Variants in MROH1 observed in about 807,000 individuals in gnomAD.
MROH1 encodes maestro heat-like repeat-containing protein family member 1.
MROH1 carries 117 observed loss-of-function variants against 116.5 expected under a neutral mutation model. The ratio of observed to expected loss-of-function variants is 1.00; its 90% CI spans 0.86 to 1.17. MROH1 has a LOEUF of 1.17. MROH1 is among the 50% of genes most tolerant of loss of function. The pLI is 0.00. For missense variants in MROH1, 1,873 were observed against 1,338.5 expected (o/e 1.40, Z -6.23); for synonymous variants, 921 against 583.9 (o/e 1.58, Z -8.32).
chr8:144,205,629 C>G (rs576559415), intron 12 of MROH1, among the ~76,000 whole-genome samples: 13 of 152,146 alleles, frequency 8.5e-5, no homozygotes, highest in Middle Eastern at 3.4e-3. Flanking sequence ...GATTTCCCCC[C>G]CAGGTCCATA....
chr8:144,218,123 G>T (rs185462359), intron 12 of MROH1, among the ~76,000 whole-genome samples: 186 of 152,238 alleles, frequency 1.2e-3, no homozygotes, highest in African/African-American at 4.3e-3. Flanking sequence ...GGAAGCCAGC[G>T]CCCCGTCAGC....
rs140671211 is a variant in MROH1, at chr8:144,211,871, G to A, written c.1142-8729G>A. ...ACGCATTTGATGGCTTCAATCCAGAGCAGTCATCACCATCACCGAAGCTCA... is the reference window on the plus strand; with the variant it reads ...ACGCATTTGATGGCTTCAATCCAGAACAGTCATCACCATCACCGAAGCTCA... On this transcript the variant is annotated intron_variant, in intron 12 of 43. Coordinates refer to ENST00000326134, the MANE Select transcript of MROH1 (RefSeq NM_032450.3). Among the ~76,000 whole-genome samples, 61 of 152,298 alleles carry A rather than the reference G, an allele frequency of 4.0e-4. No homozygotes were observed. The Middle Eastern group carries it at 0.01, about 25-fold the overall frequency.
At chr8:144,181,654 A>G (rs1825749688) in intron 7 of MROH1, among the ~76,000 whole-genome samples, 1 of 152,084 alleles carries the variant, frequency 6.6e-6, no homozygotes, top group African/African-American at 2.4e-5. Flanking sequence ...TAAAAATGGG[A>G]TTGGTGACAG....
rs1393712518 is a variant in MROH1 at position 144,152,135 on chromosome 8, A to G, written c.-177+4059A>G. Among the ~76,000 whole-genome samples the G allele has an allele frequency of 4.6e-5, 7 of 152,360 alleles. No homozygotes were observed. In the East Asian group the frequency reaches 1.3e-3, roughly 29 times the overall value. The stretch of plus-strand genomic sequence containing the variant: ...AAAGTTTAACTATAAATGAAGCACA[A>G]TAAGAGGTTGACAGCAATGAATAAT... On this transcript the variant is annotated intron_variant, in intron 1 of 43. Transcript: ENST00000326134.
At chr8:144,215,626 C>G (rs1414882320) in intron 12 of MROH1, among the ~76,000 whole-genome samples, 1 of 152,092 alleles carries the variant, frequency 6.6e-6, no homozygotes, top group African/African-American at 2.4e-5. Context: ...AATCCCAGCA[C>G]TTTGGGAGGC....
intron 1 of MROH1, among the ~76,000 whole-genome samples, chr8:144,159,765 A>ATTTTT (rs1161961224): frequency 3.2e-5 from 4 of 123,724 alleles, no homozygotes; most frequent in Non-Finnish European, 4.8e-5. Flanking sequence ...ACGCCTGGTA[A>ATTTTT]TTTTTTTTTT....
intron 4 of MROH1, among the ~76,000 whole-genome samples, chr8:144,169,353 T>C (rs1821837327): frequency 6.6e-6 from 1 of 152,198 alleles, no homozygotes; most frequent in South Asian, 2.1e-4. Context: ...TGCCGTGGCC[T>C]GGCGGCACTT....
At chr8:144,189,536 G>A (rs981147966) in intron 7 of MROH1, among the ~76,000 whole-genome samples, 3 of 152,152 alleles carry the variant, frequency 2.0e-5, no homozygotes, top group African/African-American at 7.2e-5. Context: ...TCGAAGCCTG[G>A]GTGGCCACCT....
intron 7 of MROH1, among the ~76,000 whole-genome samples, chr8:144,183,483 T>C (rs1421794620): frequency 6.6e-6 from 1 of 151,030 alleles, no homozygotes; most frequent in Non-Finnish European, 1.5e-5. Flanking sequence ...GCCGAATACC[T>C]GGAATGCTGA....
intron 39 of MROH1, 149 bp from the exon 40 acceptor site, chr8:144,260,528 C>T (rs1043021152): frequency 1.4e-6 from 1 of 732,920 alleles, no homozygotes. Flanking sequence ...CTTTGCTGGG[C>T]CTGGCAGCCC....
chr8:144,195,479 G>GCAA (rs1451086296), intron 10 of MROH1, among the ~76,000 whole-genome samples: 9 of 134,204 alleles, frequency 6.7e-5, no homozygotes, highest in Non-Finnish European at 1.1e-4. Context: ...TCCAGCCTGG[G>GCAA]CAACAGAGTG....
intron 4 of MROH1, among the ~76,000 whole-genome samples, chr8:144,178,673 C>T (rs553865331): frequency 1.2e-4 from 18 of 152,260 alleles, no homozygotes; most frequent in African/African-American, 4.1e-4. Context: ...GCAGGCTGCT[C>T]TCAGGGTGGT....
Position 144,166,847 on chromosome 8 carries a change from G to A in MROH1, c.23-1448G>A, listed in dbSNP as rs574264285. ...CTTCCACACGTGAACGGCCACAGCCGGAAAAGCAGATGCAGACCCAGTTCA... is the reference window on the plus strand; with the variant it reads ...CTTCCACACGTGAACGGCCACAGCCAGAAAAGCAGATGCAGACCCAGTTCA... On this transcript the variant is annotated intron_variant, in intron 3 of 43. Coordinates refer to ENST00000326134, the MANE Select transcript of MROH1 (RefSeq NM_032450.3). Among the ~76,000 whole-genome samples, 57 of 152,344 alleles carry A rather than the reference G, an allele frequency of 3.7e-4. 1 individual carries two copies. Among genetic ancestry groups the A allele is most frequent in the South Asian group, 3.1e-3 (15 of 4,822 alleles).
intron 1 of MROH1, among the ~76,000 whole-genome samples, chr8:144,152,729 A>G (rs1211101223): frequency 6.6e-6 from 1 of 151,852 alleles, no homozygotes; most frequent in African/African-American, 2.4e-5. Flanking sequence ...TGTATTTTTT[A>G]GTAGAGACGG....
At chr8:144,210,684 GTCTC>G (rs58517848) in intron 12 of MROH1, among the ~76,000 whole-genome samples, 129,639 of 151,334 alleles carry the variant, frequency 0.86, 57,653 homozygotes, top group East Asian at 1. Flanking sequence ...TGGAGACTCT[GTCTC>G]TCTCTCTCTC....
At chr8:144,243,807 A>G in intron 25 of MROH1, 56 bp from the exon 26 acceptor site, 1 of 751,208 alleles carries the variant, frequency 1.3e-6, no homozygotes, top group East Asian at 2.5e-5. Context: ...GAGCTTGACC[A>G]GGGAGGAGAG....
At chr8:144,241,291 CAT>C (rs1840939181) in intron 21 of MROH1, 102 bp from the exon 22 acceptor site, 1 of 700,694 alleles carries the variant, frequency 1.4e-6, no homozygotes, top group African/African-American at 1.7e-5. Flanking sequence ...CAAGTGTGCG[CAT>C]GTGTGTACAT....
chr8:144,232,629 G>C (rs2132658594), intron 14 of MROH1, among the ~76,000 whole-genome samples: 1 of 151,864 alleles, frequency 6.6e-6, no homozygotes. Context: ...GAGTAGCTGG[G>C]ACTACATGCG....
chr8:144,220,872 C>T (rs1425356728), intron 13 of MROH1, among the ~76,000 whole-genome samples, 199 bp downstream of exon 13: 1 of 152,202 alleles, frequency 6.6e-6, no homozygotes, highest in Non-Finnish European at 1.5e-5. Context: ...AAACAGTCCC[C>T]AAGGCCACCC....
Sources: allele counts gnomAD v4.1 joint callset (sites outside exome capture counted in the v4.1 genomes callset), GRCh38; gene constraint gnomAD v4.1.1; transcripts MANE v1.5; gene names NCBI Gene and HGNC (gene_info 2026-07-23, HGNC 2026-07-21).